The following ZFPM2 variants were observed in gnomAD, a reference collection of about 807,000 sequenced individuals.
ZFPM2 encodes the protein zinc finger protein ZFPM2.
Under a neutral mutation model 98.6 loss-of-function variants are expected in ZFPM2, and 20 were observed. The ratio of observed to expected loss-of-function variants is 0.20; its 90% CI spans 0.14 to 0.29. The LOEUF (loss-of-function observed/expected upper bound fraction) is 0.29. ZFPM2 is among the 10% of genes least tolerant of loss of function. The pLI is 1.00. For synonymous variants in ZFPM2, 518 were observed against 502.7 expected (o/e 1.03, Z -0.41); for missense variants, 1,310 against 1,388.6 (o/e 0.94, Z 0.90).
chr8:105,694,749 T>C (rs1810975918), intron 5 of ZFPM2, among the ~76,000 whole-genome samples: 2 of 152,200 alleles, frequency 1.3e-5, no homozygotes, highest in Admixed American at 6.5e-5. Flanking sequence ...TCAATTTTCA[T>C]TGAGGAAGTT....
intron 1 of ZFPM2, among the ~76,000 whole-genome samples, chr8:105,319,303 C>CTG (rs1811973613): frequency 6.6e-6 from 1 of 152,200 alleles, no homozygotes; most frequent in Admixed American, 6.5e-5. Context: ...GCCGGAGGGG[C>CTG]AGTCCCGCTC....
At chr8:105,616,593 T>C (rs929388716) in intron 4 of ZFPM2, 4 of 259,996 alleles carry the variant, frequency 1.5e-5, no homozygotes, top group South Asian at 8.1e-5. Context: ...GTGCACTTAC[T>C]GTGTTTCAGG....
intron 3 of ZFPM2, among the ~76,000 whole-genome samples, chr8:105,452,977 G>C (rs571610053): frequency 6.6e-6 from 1 of 152,000 alleles, no homozygotes; most frequent in East Asian, 1.9e-4. Flanking sequence ...AATAACTTAA[G>C]TGGGCTTAAA....
rs982465677 is a variant in ZFPM2 at position 105,802,896 on chromosome 8, C to G, written c.2814C>G (p.Thr938=). 5.6e-6 allele frequency: 9 copies of G among 1,613,758 alleles called. No homozygotes were observed. Among genetic ancestry groups the G allele is most frequent in the Admixed American group, 1.7e-5 (1 of 59,992 alleles). ...ACTTATTTTCATCCCACCTAGCAAC[C>G]CTGCAAGGCTTGAAGGTCTTTAGTG... ...NGNLFSSHLA[T]LQGLKVFSEA... is the part of the protein sequence containing the mutation. The change falls in exon 8 of 8, where the codon ACC becomes ACG. Residue 938 remains threonine (T), a synonymous_variant. Coordinates refer to ENST00000407775, the MANE Select transcript of ZFPM2 (RefSeq NM_012082.4).
chr8:105,749,420 G>A (rs1812425775), intron 5 of ZFPM2, among the ~76,000 whole-genome samples: 1 of 152,006 alleles, frequency 6.6e-6, no homozygotes, highest in Admixed American at 6.6e-5. Context: ...ATATTTGGGG[G>A]CAAAAGGACA....
At chr8:105,578,511 T>G (rs1815517806) in intron 4 of ZFPM2, among the ~76,000 whole-genome samples, 1 of 152,132 alleles carries the variant, frequency 6.6e-6, no homozygotes. Flanking sequence ...ATTTAAAAGT[T>G]TCTCAGTAAT....
chr8:105,346,026 C>T (rs1295114018), intron 1 of ZFPM2, among the ~76,000 whole-genome samples: 3 of 151,918 alleles, frequency 2.0e-5, no homozygotes, highest in Non-Finnish European at 2.9e-5. Context: ...TTTTCTTGAA[C>T]TTAAAAATAA....
chr8:105,684,470 G>A (rs1367615338), intron 5 of ZFPM2, among the ~76,000 whole-genome samples: 6 of 152,032 alleles, frequency 3.9e-5, no homozygotes, highest in Admixed American at 3.3e-4. Flanking sequence ...AGCGGGTATG[G>A]GGAAAAGGTG....
At chr8:105,587,113 A>G (rs540397824) in intron 4 of ZFPM2, among the ~76,000 whole-genome samples, 373 of 151,086 alleles carry the variant, frequency 2.5e-3, no homozygotes, top group Non-Finnish European at 3.6e-3. Context: ...CGTCTCTACT[A>G]AAAAATACAA....
chr8:105,766,246 C>T (rs1011848905), intron 5 of ZFPM2, among the ~76,000 whole-genome samples: 7 of 151,844 alleles, frequency 4.6e-5, no homozygotes, highest in Non-Finnish European at 8.8e-5. Context: ...TGTGAGAAAT[C>T]GAAGCTTTCC....
chr8:105,717,127 G>T (rs942825489), intron 5 of ZFPM2, among the ~76,000 whole-genome samples: 1 of 152,002 alleles, frequency 6.6e-6, no homozygotes, highest in Non-Finnish European at 1.5e-5. Context: ...ACTCTCTACT[G>T]ATAGGTCAGC....
chr8:105,703,413 G>T (rs1811183218), intron 5 of ZFPM2, among the ~76,000 whole-genome samples: 1 of 152,156 alleles, frequency 6.6e-6, no homozygotes, highest in Non-Finnish European at 1.5e-5. Context: ...CTCACCACTT[G>T]GAAGGATTTG....
At chr8:105,454,810 G>A (rs762848088) in intron 3 of ZFPM2, among the ~76,000 whole-genome samples, 2 of 152,096 alleles carry the variant, frequency 1.3e-5, no homozygotes, top group Non-Finnish European at 2.9e-5. Flanking sequence ...AAACTTTTTG[G>A]AATAGTGAAT....
chr8:105,458,176 G>C (rs141566995), intron 3 of ZFPM2, among the ~76,000 whole-genome samples: 1 of 152,098 alleles, frequency 6.6e-6, no homozygotes, highest in African/African-American at 2.4e-5. Flanking sequence ...CCCATAGGCC[G>C]TATATTAGGT....
intron 2 of ZFPM2, among the ~76,000 whole-genome samples, chr8:105,443,339 A>AAAAAAAAT (rs1812305323): frequency 6.6e-6 from 1 of 150,616 alleles, no homozygotes; most frequent in Non-Finnish European, 1.5e-5. Flanking sequence ...AAAAAAAAAA[A>AAAAAAAAT]CTTGGCATTA....
chr8:105,487,949 G>A (rs1205735748), intron 3 of ZFPM2, among the ~76,000 whole-genome samples: 1 of 118,676 alleles, frequency 8.4e-6, no homozygotes, highest in Middle Eastern at 4.5e-3. Flanking sequence ...TAGCTAGCTA[G>A]CTATCTGTCA....
chr8:105,719,928 GAGA>G (rs1297059014), intron 5 of ZFPM2, among the ~76,000 whole-genome samples: 1 of 151,854 alleles, frequency 6.6e-6, no homozygotes, highest in African/African-American at 2.4e-5. Flanking sequence ...ACCAATATTA[GAGA>G]AGAATTATGT....
At position 105,371,440 on chromosome 8, in the gene ZFPM2, A is replaced by T. The variant is rs1172803165; in HGVS notation, c.41-47704A>T. Among the ~76,000 whole-genome samples, 6 of 152,186 alleles carry T rather than the reference A, an allele frequency of 3.9e-5. No homozygotes were observed. In the South Asian group the frequency reaches 1.2e-3, roughly 31 times the overall value. On this transcript the variant is annotated intron_variant, in intron 1 of 7. Coordinates refer to ENST00000407775, the MANE Select transcript of ZFPM2 (RefSeq NM_012082.4). The stretch of plus-strand genomic sequence containing the variant: ...GAGATAGTTACATTGTCAGCATCCA[A>T]GAACAGAAGGGATTTTAGGAAGAGT...
intron 5 of ZFPM2, among the ~76,000 whole-genome samples, chr8:105,783,378 T>C (rs1196793026): frequency 6.6e-6 from 1 of 152,088 alleles, no homozygotes; most frequent in Non-Finnish European, 1.5e-5. Flanking sequence ...TCATTTTTTC[T>C]CAATTTTTAA....
Sources: allele counts gnomAD v4.1 joint callset (sites outside exome capture counted in the v4.1 genomes callset), GRCh38; gene constraint gnomAD v4.1.1; transcripts MANE v1.5; gene names NCBI Gene and HGNC (gene_info 2026-07-23, HGNC 2026-07-21).